Variants in SLC35F1 observed in about 807,000 individuals in gnomAD.
The protein encoded by SLC35F1 is solute carrier family 35 member F1, also known as chromosome 6 open reading frame 169.
Under a neutral mutation model 48.7 loss-of-function variants are expected in SLC35F1, and 14 were observed. The observed-to-expected ratio is 0.29, with a 90% CI of 0.19 to 0.45. The LOEUF (loss-of-function observed/expected upper bound fraction) is 0.45, where lower values mean the gene tolerates loss of function less well. SLC35F1 is among the 20% of genes least tolerant of loss of function. The pLI is 1.00. For synonymous variants in SLC35F1, 190 were observed against 202.2 expected, an observed-to-expected ratio of 0.94 and a Z score of 0.51; for missense variants, 404 against 500.0, an observed-to-expected ratio of 0.81 and a Z score of 1.83.
chr6:118,046,019 T>G (rs1300820685), intron 1 of SLC35F1, among the ~76,000 whole-genome samples: 1 of 152,178 alleles, frequency 6.6e-6, no homozygotes, highest in African/African-American at 2.4e-5. Context: ...CCTGTTATAT[T>G]GGAAAGTACA....
chr6:118,052,318 G>T (rs1202596707), intron 1 of SLC35F1, among the ~76,000 whole-genome samples: 1 of 152,106 alleles, frequency 6.6e-6, no homozygotes, highest in African/African-American at 2.4e-5. Flanking sequence ...TAAAAAGCAA[G>T]AAGTCCCTAA....
chr6:118,073,354 C>A (rs1251458183), intron 1 of SLC35F1, among the ~76,000 whole-genome samples: 5 of 152,190 alleles, frequency 3.3e-5, no homozygotes, highest in African/African-American at 1.2e-4. Context: ...GCTGCCAAAA[C>A]TCACCAAAGT....
At chr6:118,226,424 G>T (rs192698533) in intron 2 of SLC35F1, among the ~76,000 whole-genome samples, 60 of 152,008 alleles carry the variant, frequency 3.9e-4, no homozygotes, top group African/African-American at 1.4e-3. Context: ...GTTTATTGCA[G>T]CACTATTCAC....
intron 2 of SLC35F1, among the ~76,000 whole-genome samples, chr6:118,208,855 CCTT>C (rs1774969178): frequency 6.6e-6 from 1 of 152,124 alleles, no homozygotes; most frequent in South Asian, 2.1e-4. Context: ...CCCTCTCTGA[CCTT>C]CTCCTGCCCT....
intron 1 of SLC35F1, among the ~76,000 whole-genome samples, chr6:118,017,213 T>C (rs1482226709): frequency 1.3e-5 from 2 of 152,190 alleles, no homozygotes; most frequent in Non-Finnish European, 2.9e-5. Flanking sequence ...ACATTAGGAC[T>C]AATCCCTGGG....
intron 1 of SLC35F1, among the ~76,000 whole-genome samples, chr6:118,109,218 G>A (rs1773364510): frequency 6.6e-6 from 1 of 152,176 alleles, no homozygotes; most frequent in South Asian, 2.1e-4. Flanking sequence ...ACTCAGAGAG[G>A]AAATGGGTGA....
At chr6:118,254,057 C>T (rs949147399) in intron 3 of SLC35F1, among the ~76,000 whole-genome samples, 5 of 151,910 alleles carry the variant, frequency 3.3e-5, no homozygotes, top group Admixed American at 1.3e-4. Context: ...GAGGGGACGG[C>T]TCCAAAGAAC....
intron 1 of SLC35F1, among the ~76,000 whole-genome samples, chr6:117,932,386 G>C (rs372176464): frequency 1.3e-5 from 2 of 152,246 alleles, no homozygotes; most frequent in African/African-American, 4.8e-5. Flanking sequence ...TGAAGTTTAA[G>C]GTAACAGATC....
chr6:118,148,240 G>A (rs1774004253), intron 1 of SLC35F1, among the ~76,000 whole-genome samples: 1 of 152,180 alleles, frequency 6.6e-6, no homozygotes, highest in African/African-American at 2.4e-5. Flanking sequence ...TGTAATTCAA[G>A]ATGATAACAT....
intron 1 of SLC35F1, among the ~76,000 whole-genome samples, chr6:117,949,128 T>G (rs933825196): frequency 6.6e-5 from 10 of 152,300 alleles, no homozygotes; most frequent in African/African-American, 2.2e-4. Context: ...TTTGCAGATA[T>G]GTGTCCTGAG....
chr6:118,169,422 G>T (rs62423698), intron 2 of SLC35F1, among the ~76,000 whole-genome samples: 1 of 152,126 alleles, frequency 6.6e-6, no homozygotes, highest in African/African-American at 2.4e-5. Context: ...TGAACTTAAA[G>T]AACCCACATT....
rs557585258 is a variant in SLC35F1 at position 118,131,632 on chromosome 6, A to G, written c.174-22813A>G. 5.5e-4 allele frequency among the ~76,000 whole-genome samples: 83 copies of G among 152,240 alleles called. No homozygotes were observed. The Middle Eastern group carries it at 0.014, about 25-fold the overall frequency. ...TGCCATCAGCAATACAGGAGGTTAT[A>G]AGTTTTGCTCCCACTATTTAAACAT... is the stretch of plus-strand genomic sequence containing the variant. On this transcript the variant is annotated intron_variant, in intron 1 of 7. Transcript: ENST00000360388.
intron 1 of SLC35F1, among the ~76,000 whole-genome samples, 190 bp from the exon 2 acceptor site, chr6:118,154,255 G>C (rs1774106599): frequency 2.0e-5 from 3 of 152,238 alleles, no homozygotes; most frequent in South Asian, 4.1e-4. Flanking sequence ...CTAAGTTTTG[G>C]TTTCCTCCTC....
rs1215952679 is a variant in SLC35F1 at position 118,251,162 on chromosome 6, C to T, written c.477+15526C>T. Among the ~76,000 whole-genome samples, 13 of 152,086 alleles carry T rather than the reference C, an allele frequency of 8.5e-5. No individual in the cohort carries two copies. The East Asian group carries it at 2.5e-3, about 29-fold the overall frequency. ...AATTAGCTGGACATGGTGGCATGTG[C>T]CTGTGGTCCCAGCTACTCAGAAGGC... is the stretch of plus-strand genomic sequence containing the variant. On this transcript the variant is annotated intron_variant, in intron 3 of 7. Transcript: ENST00000360388.
intron 1 of SLC35F1, among the ~76,000 whole-genome samples, chr6:118,027,001 C>T (rs1771962663): frequency 6.6e-6 from 1 of 152,094 alleles, no homozygotes; most frequent in East Asian, 1.9e-4. Flanking sequence ...GCCCAGATGA[C>T]CAGTGATTTG....
At chr6:118,270,005 G>A (rs1252758158) in intron 4 of SLC35F1, among the ~76,000 whole-genome samples, 3 of 152,250 alleles carry the variant, frequency 2.0e-5, no homozygotes, top group South Asian at 2.1e-4. Context: ...TCTAGCCTGG[G>A]CAACAGAGCA....
chr6:118,080,908 C>G (rs1463282898), intron 1 of SLC35F1, among the ~76,000 whole-genome samples: 1 of 152,148 alleles, frequency 6.6e-6, no homozygotes, highest in East Asian at 1.9e-4. Context: ...CTTTTTTCCA[C>G]TGGTGTTGAC....
At chr6:118,313,454 G>A (rs1776393956) in intron 7 of SLC35F1, among the ~76,000 whole-genome samples, 1 of 152,156 alleles carries the variant, frequency 6.6e-6, no homozygotes, top group African/African-American at 2.4e-5. Context: ...GGGCAGGAAT[G>A]GAATGTTGTA....
chr6:118,052,906 G>T (rs1772410813), intron 1 of SLC35F1, among the ~76,000 whole-genome samples: 1 of 152,178 alleles, frequency 6.6e-6, no homozygotes, highest in Non-Finnish European at 1.5e-5. Flanking sequence ...TTTACATGAG[G>T]TTGTTCTTTC....
Sources: allele counts gnomAD v4.1 joint callset (sites outside exome capture counted in the v4.1 genomes callset), GRCh38; gene constraint gnomAD v4.1.1; transcripts MANE v1.5; gene names NCBI Gene and HGNC (gene_info 2026-07-23, HGNC 2026-07-21).